Variants in KCNIP1 observed in about 807,000 individuals in gnomAD.
The protein encoded by KCNIP1 is A-type potassium channel modulatory protein KCNIP1.
KCNIP1 carries 18 observed loss-of-function variants against 33.0 expected under a neutral mutation model. The ratio of observed to expected loss-of-function variants is 0.55; its 90% CI spans 0.38 to 0.81. The LOEUF (loss-of-function observed/expected upper bound fraction) is 0.81, where lower values mean the gene tolerates loss of function less well. KCNIP1 is among the 30% of genes least tolerant of loss of function. The pLI is 0.00. For synonymous variants in KCNIP1, 93 were observed against 98.3 expected, an observed-to-expected ratio of 0.95 and a Z score of 0.32; for missense variants, 238 against 271.6, an observed-to-expected ratio of 0.88 and a Z score of 0.87.
chr5:170,730,627 C>T (rs112631722), intron 5 of KCNIP1, among the ~76,000 whole-genome samples: 89 of 152,304 alleles, frequency 5.8e-4, no homozygotes, highest in African/African-American at 1.9e-3. Flanking sequence ...TGGATAGAGA[C>T]ATCTATTTCC....
intron 1 of KCNIP1, among the ~76,000 whole-genome samples, chr5:170,407,161 C>T (rs1755057732): frequency 6.6e-6 from 1 of 152,182 alleles, no homozygotes; most frequent in Non-Finnish European, 1.5e-5. Flanking sequence ...ACACCACGGA[C>T]CAGCTAACCA....
intron 1 of KCNIP1, among the ~76,000 whole-genome samples, chr5:170,517,711 T>TGA (rs1344747581): frequency 6.6e-6 from 1 of 151,054 alleles, no homozygotes; most frequent in Non-Finnish European, 1.5e-5. Context: ...ATGGTGATGG[T>TGA]AGTAGTGATG....
chr5:170,537,029 G>A (rs570959555), intron 1 of KCNIP1, among the ~76,000 whole-genome samples: 13 of 152,272 alleles, frequency 8.5e-5, no homozygotes, highest in Admixed American at 7.2e-4. Flanking sequence ...ACGAGGGTTC[G>A]TTCCTCTGCC....
intron 1 of KCNIP1, among the ~76,000 whole-genome samples, chr5:170,451,723 T>TTGTGTGTGTGTGTG (rs67542248): frequency 0.03 from 3,629 of 122,820 alleles, 116 homozygotes; most frequent in African/African-American, 0.043. Context: ...TTCTCCTGCA[T>TTGTGTGTGTGTGTG]TGTGTGTGTG....
At chr5:170,696,597 C>T (rs1336212816) in intron 1 of KCNIP1, among the ~76,000 whole-genome samples, 1 of 152,138 alleles carries the variant, frequency 6.6e-6, no homozygotes, top group African/African-American at 2.4e-5. Flanking sequence ...GCACCATGCA[C>T]ATTGTAGTCC....
At chr5:170,585,487 T>C (rs1757952805) in intron 1 of KCNIP1, among the ~76,000 whole-genome samples, 1 of 152,126 alleles carries the variant, frequency 6.6e-6, no homozygotes, top group Non-Finnish European at 1.5e-5. Flanking sequence ...TCCTCGTGGC[T>C]CCACTCCCTA....
chr5:170,598,339 G>A (rs1430308624), intron 1 of KCNIP1, among the ~76,000 whole-genome samples: 1 of 152,154 alleles, frequency 6.6e-6, no homozygotes, highest in Non-Finnish European at 1.5e-5. Flanking sequence ...AGGAAAGGAG[G>A]TGGCAGGTCA....
chr5:170,618,935 G>A (rs1398328013), intron 1 of KCNIP1, among the ~76,000 whole-genome samples: 1 of 152,112 alleles, frequency 6.6e-6, no homozygotes, highest in Non-Finnish European at 1.5e-5. Flanking sequence ...GCAGTCATGG[G>A]GGACACTGTC....
chr5:170,691,392 G>A (rs189572111), intron 1 of KCNIP1, among the ~76,000 whole-genome samples: 3 of 152,190 alleles, frequency 2.0e-5, no homozygotes, highest in Non-Finnish European at 4.4e-5. Context: ...GCATGGAAAC[G>A]ATCTGGTATC....
intron 1 of KCNIP1, among the ~76,000 whole-genome samples, chr5:170,601,771 G>A (rs1024287308): frequency 5.9e-5 from 9 of 152,364 alleles, no homozygotes; most frequent in Admixed American, 5.9e-4. Flanking sequence ...GTTGGAATGT[G>A]TGCTTTGCAC....
At chr5:170,387,023 C>T (rs1421925590) in intron 1 of KCNIP1, among the ~76,000 whole-genome samples, 1 of 152,132 alleles carries the variant, frequency 6.6e-6, no homozygotes, top group Non-Finnish European at 1.5e-5. Flanking sequence ...ACAGAGATGC[C>T]CAGCCATGGT....
At chr5:170,521,216 A>T (rs2113306372) in intron 1 of KCNIP1, among the ~76,000 whole-genome samples, 2 of 152,254 alleles carry the variant, frequency 1.3e-5, no homozygotes, top group South Asian at 4.2e-4. Flanking sequence ...TCATTATGAG[A>T]CTTTTTTATT....
At chr5:170,480,261 A>T (rs1756948203) in intron 1 of KCNIP1, among the ~76,000 whole-genome samples, 1 of 152,228 alleles carries the variant, frequency 6.6e-6, no homozygotes, top group African/African-American at 2.4e-5. Flanking sequence ...TCCTAAGAAT[A>T]CAAATTTCTT....
chr5:170,662,656 T>A (rs2113751507), intron 1 of KCNIP1, among the ~76,000 whole-genome samples: 1 of 152,320 alleles, frequency 6.6e-6, no homozygotes, highest in East Asian at 1.9e-4. Flanking sequence ...CAAAGCCTAC[T>A]TAAGAGCTTA....
At chr5:170,695,294 A>C (rs575925805) in intron 1 of KCNIP1, among the ~76,000 whole-genome samples, 1 of 152,332 alleles carries the variant, frequency 6.6e-6, no homozygotes, top group East Asian at 1.9e-4. Context: ...CTCTCCTAGC[A>C]GGTCCTTCTG....
At chr5:170,361,182 C>T (rs945983592) in intron 1 of KCNIP1, among the ~76,000 whole-genome samples, 2 of 152,234 alleles carry the variant, frequency 1.3e-5, no homozygotes, top group African/African-American at 4.8e-5. Context: ...TGTCCACCTG[C>T]ACCCCACCCA....
At chr5:170,651,500 AC>A (rs1392280956) in intron 1 of KCNIP1, among the ~76,000 whole-genome samples, 1 of 151,974 alleles carries the variant, frequency 6.6e-6, no homozygotes, top group East Asian at 1.9e-4. Flanking sequence ...ACAGTGAACA[AC>A]CCCGTCCTGT....
chr5:170,374,512 C>A (rs1450210346), intron 1 of KCNIP1, among the ~76,000 whole-genome samples: 1 of 152,186 alleles, frequency 6.6e-6, no homozygotes, highest in African/African-American at 2.4e-5. Context: ...GTTCTTTCCA[C>A]CCCAGTTCTG....
intron 1 of KCNIP1, among the ~76,000 whole-genome samples, chr5:170,637,543 C>T (rs1455372630): frequency 6.6e-6 from 1 of 152,214 alleles, no homozygotes; most frequent in Non-Finnish European, 1.5e-5. Flanking sequence ...GCTCTATTCC[C>T]TCAGATCTGA....
Sources: gnomAD v4.1 joint callset for allele counts (sites outside exome capture counted in the v4.1 genomes callset) on GRCh38, gnomAD v4.1.1 for gene constraint, MANE v1.5 for transcripts, NCBI Gene and HGNC (gene_info 2026-07-23, HGNC 2026-07-21) for gene names.